Variants in RUFY3 observed in about 807,000 individuals in gnomAD.
RUFY3 encodes protein RUFY3.
A neutral mutation model predicts 84.0 loss-of-function variants in RUFY3; 34 were observed. The observed-to-expected ratio is 0.40, with a 90% CI of 0.31 to 0.54. RUFY3 has a LOEUF of 0.54. Among genes scored for constraint, RUFY3 ranks in the 20% least tolerant of loss-of-function variants. The pLI is 0.39. For synonymous variants in RUFY3, 242 were observed against 252.9 expected, an observed-to-expected ratio of 0.96 and a Z score of 0.41; for missense variants, 507 against 736.8, an observed-to-expected ratio of 0.69 and a Z score of 3.61.
chr4:70,724,189 T>C (rs941452780), intron 1 of RUFY3, among the ~76,000 whole-genome samples: 2 of 152,180 alleles, frequency 1.3e-5, no homozygotes, highest in Non-Finnish European at 1.5e-5. Context: ...ACAATTCCAG[T>C]ACTACTTAAA....
intron 5 of RUFY3, among the ~76,000 whole-genome samples, chr4:70,770,991 C>T (rs1460395720): frequency 6.6e-6 from 1 of 151,964 alleles, no homozygotes; most frequent in Non-Finnish European, 1.5e-5. Context: ...GGGGAACGGC[C>T]AGTAAGTAGA....
In RUFY3 at chr4:70,768,548, G is replaced by T; in HGVS notation, c.583G>T (p.Glu195Ter). The change falls in exon 5 of 18, where the codon GAA becomes TAA. Residue 195 changes from glutamate to a stop codon, truncating the protein, a stop_gained. Coordinates refer to ENST00000381006, the MANE Select transcript of RUFY3 (RefSeq NM_001037442.4). LOFTEE classifies it high-confidence loss of function. ...GGATTTCTCTTACAGTGAATTCTAC[G>T]AACCCAATGCCCTCATGATGGAAGA... The part of the protein sequence containing the change: ...NKKELLSEFY[E>*]PNALMMEEEG... 1 of 1,613,236 alleles carries T rather than the reference G, an allele frequency of 6.2e-7. No individual in the cohort carries two copies. Among genetic ancestry groups the T allele is most frequent in the Non-Finnish European group, 8.5e-7 (1 of 1,179,734 alleles).
intron 1 of RUFY3, among the ~76,000 whole-genome samples, chr4:70,762,104 T>G (rs146658809): frequency 3.0e-4 from 46 of 152,264 alleles, no homozygotes; most frequent in African/African-American, 9.4e-4. Context: ...TCGCTTCAGC[T>G]CAAGAGCTCA....
At chr4:70,779,458 T>A (rs1194242249) in intron 8 of RUFY3, among the ~76,000 whole-genome samples, 3 of 152,218 alleles carry the variant, frequency 2.0e-5, no homozygotes, top group African/African-American at 7.2e-5. Context: ...ATAAAAATAT[T>A]TTTTCCTTAA....
At chr4:70,799,939 A>G (rs6815690) in intron 14 of RUFY3, 10,145 of 479,730 alleles carry the variant, frequency 0.021, 168 homozygotes, top group African/African-American at 0.048. Flanking sequence ...TTTGAAAATC[A>G]TTTGTCACAA....
At chr4:70,741,459 G>T (rs1721302131) in intron 1 of RUFY3, among the ~76,000 whole-genome samples, 1 of 152,086 alleles carries the variant, frequency 6.6e-6, no homozygotes, top group Non-Finnish European at 1.5e-5. Flanking sequence ...TGCTTATTTG[G>T]TTGTACTCCC....
At chr4:70,714,167 C>T (rs1009035318) in intron 1 of RUFY3, among the ~76,000 whole-genome samples, 1 of 152,118 alleles carries the variant, frequency 6.6e-6, no homozygotes, top group East Asian at 1.9e-4. Context: ...ATGCTGACTC[C>T]AGAGTCCACA....
chr4:70,752,871 C>T lies in RUFY3; in HGVS notation c.179-9648C>T, dbSNP rs1167241461. On this transcript the variant is annotated intron_variant, in intron 1 of 17. Transcript: ENST00000381006. ...ATAAGGAGTATTGATCTATAGTTTT[C>T]TTATGATATCTTTATCTGATTTGGT... Among the ~76,000 whole-genome samples the T allele has an allele frequency of 2.0e-5, 3 of 152,034 alleles. No individual in the cohort carries two copies. In the East Asian group the frequency reaches 5.8e-4, roughly 29 times the overall value.
intron 14 of RUFY3, among the ~76,000 whole-genome samples, chr4:70,795,951 T>C (rs1731447666): frequency 6.6e-6 from 1 of 152,182 alleles, no homozygotes; most frequent in Non-Finnish European, 1.5e-5. Flanking sequence ...TAGGAGCATA[T>C]TTCTGGTGGA....
chr4:70,750,746 GC>G (rs1722998931), intron 1 of RUFY3, among the ~76,000 whole-genome samples: 2 of 150,918 alleles, frequency 1.3e-5, no homozygotes, highest in Admixed American at 1.3e-4. Context: ...TTCTGTCTCT[GC>G]AGTTTTTTTT....
At chr4:70,717,968 C>G (rs182683103), upstream of RUFY3, among the ~76,000 whole-genome samples, 220 of 149,862 alleles carry the variant, frequency 1.5e-3, 1 homozygote, top group African/African-American at 4.9e-3. Flanking sequence ...CTGCAACCTC[C>G]GCCTCCCGGG....
intron 2 of RUFY3, 71 bp from the exon 3 acceptor site, chr4:70,763,481 G>C (rs1725368726): frequency 9.3e-7 from 1 of 1,070,854 alleles, no homozygotes; most frequent in Non-Finnish European, 1.4e-6. Context: ...GTGTGTGTAT[G>C]TGTGTGTGTA....
chr4:70,734,052 T>C (rs1719887058), intron 1 of RUFY3, among the ~76,000 whole-genome samples: 1 of 152,236 alleles, frequency 6.6e-6, no homozygotes, highest in African/African-American at 2.4e-5. Context: ...GCAGAGCTAC[T>C]GCTTTAGATT....
Position 70,722,266 on chromosome 4 carries a change from G to A in RUFY3, c.-308G>A, listed in dbSNP as rs1414336100. On this transcript the variant is annotated 5_prime_UTR_variant, in exon 1 of 18. The change creates a new upstream start codon in the 5' untranslated region. Coordinates refer to ENST00000381006, the MANE Select transcript of RUFY3 (RefSeq NM_001037442.4). Reference sequence around the variant, plus strand: ...GCCTATAGCTCAGCTGAAAAAAAAGGTGGGGGGCAGGGAAGGGAAGATAAA... The same window carrying A: ...GCCTATAGCTCAGCTGAAAAAAAAGATGGGGGGCAGGGAAGGGAAGATAAA... The A allele has an allele frequency of 8.1e-7, 1 of 1,232,582 alleles. No individual in the cohort carries two copies. Among genetic ancestry groups the A allele is most frequent in the African/African-American group, 1.5e-5 (1 of 64,616 alleles). The allele number at this position is 1,232,582 out of a possible 1,614,324, so 76.4% of individuals were successfully genotyped here.
At chr4:70,799,060 G>A (rs187381793) in intron 14 of RUFY3, among the ~76,000 whole-genome samples, 5 of 148,612 alleles carry the variant, frequency 3.4e-5, no homozygotes, top group Non-Finnish European at 7.4e-5. Flanking sequence ...CAGGAGACTC[G>A]CTTGAAACCA....
In RUFY3 at chr4:70,737,158, T is replaced by C. The variant is rs2148632768; in HGVS notation, c.178+14407T>C. On this transcript the variant is annotated intron_variant, in intron 1 of 17. Transcript: ENST00000381006. ...GTTTTTCTCATGCTGTATTAACATCTGAAGTTTCCAAAAGATACAGTTGTG... is the reference window on the plus strand; with the variant it reads ...GTTTTTCTCATGCTGTATTAACATCCGAAGTTTCCAAAAGATACAGTTGTG... 1.3e-5 allele frequency among the ~76,000 whole-genome samples: 2 copies of C among 152,320 alleles called. 1 individual carries two copies. Among genetic ancestry groups the C allele is most frequent in the Non-Finnish European group, 2.9e-5 (2 of 68,026 alleles).
At chr4:70,753,291 T>C (rs1421316622) in intron 1 of RUFY3, among the ~76,000 whole-genome samples, 7 of 152,244 alleles carry the variant, frequency 4.6e-5, no homozygotes, top group Non-Finnish European at 7.3e-5. Context: ...TTTCTACTGA[T>C]CAGTCTAGCT....
rs1404254291 is a variant in RUFY3, at chr4:70,704,913, G to A, written c.-24G>A. On this transcript the variant is annotated 5_prime_UTR_variant, in exon 1 of 12. Coordinates refer to the RUFY3 transcript ENST00000417478. ...GCCCAGGCCCGGGCGCGAATCGGAGGCTGCGGCGAAGGAAGGAGTGAGCAT... is the reference window on the plus strand; with the variant it reads ...GCCCAGGCCCGGGCGCGAATCGGAGACTGCGGCGAAGGAAGGAGTGAGCAT... The A allele has an allele frequency of 6.6e-6, 8 of 1,207,076 alleles. No individual in the cohort carries two copies. In the South Asian group the frequency reaches 2.0e-4, roughly 30 times the overall value. 74.8% of individuals were successfully genotyped at this position (1,207,076 alleles called of 1,614,324 possible).
chr4:70,751,074 T>G (rs983232709), intron 1 of RUFY3, among the ~76,000 whole-genome samples: 2 of 152,180 alleles, frequency 1.3e-5, no homozygotes, highest in African/African-American at 4.8e-5. Flanking sequence ...TTTAAATAAT[T>G]TCAGCTCTTG....
Sources: gnomAD v4.1 joint callset for allele counts (sites outside exome capture counted in the v4.1 genomes callset) on GRCh38, gnomAD v4.1.1 for gene constraint, MANE v1.5 for transcripts, NCBI Gene and HGNC (gene_info 2026-07-23, HGNC 2026-07-21) for gene names.